CHIC2: variants seen among roughly 807,000 people sequenced by gnomAD.
CHIC2 encodes the protein cysteine-rich hydrophobic domain-containing protein 2.
Under a neutral mutation model 25.9 loss-of-function variants are expected in CHIC2, and 14 were observed. That is an observed-to-expected ratio of 0.54 (90% CI 0.36 to 0.85). CHIC2 has a LOEUF of 0.85. Ranked by LOEUF, CHIC2 falls within the 40% of genes least tolerant of loss-of-function variation. The pLI is 0.01. For missense variants in CHIC2, 146 were observed against 202.0 expected, an observed-to-expected ratio of 0.72 and a Z score of 1.68; for synonymous variants, 70 against 72.0, an observed-to-expected ratio of 0.97 and a Z score of 0.14.
chr4:54,071,092 A>G, the CHIC2 span, among the ~76,000 whole-genome samples: 1 of 152,232 alleles, frequency 6.6e-6, no homozygotes, highest in Non-Finnish European at 1.5e-5. Context: ...CTTCCATACA[A>G]CTGTGGCCAC....
the CHIC2 span, among the ~76,000 whole-genome samples, chr4:54,086,527 G>T: frequency 2.0e-5 from 3 of 152,100 alleles, no homozygotes; most frequent in African/African-American, 7.2e-5. Context: ...TTCCATTCTA[G>T]CAGGGAGATT....
the CHIC2 span, among the ~76,000 whole-genome samples, chr4:54,083,315 C>T: frequency 1.3e-5 from 2 of 152,120 alleles, no homozygotes; most frequent in Non-Finnish European, 2.9e-5. Context: ...ACGCCCAACT[C>T]CAATCTCAAT....
At chr4:54,086,910 G>T in the CHIC2 span, 1 of 624,630 alleles carries the variant, frequency 1.6e-6, no homozygotes, top group Middle Eastern at 4.7e-4. Flanking sequence ...TTGTTGGTTG[G>T]AATAAAAAGG....
chr4:54,041,743 T>C (rs942806273), intron 3 of CHIC2, among the ~76,000 whole-genome samples: 6 of 152,184 alleles, frequency 3.9e-5, no homozygotes, highest in African/African-American at 7.2e-5. Context: ...TTTAAATATA[T>C]GTAAAGCATC....
At chr4:54,076,872 G>A in the CHIC2 span, 1 of 152,274 alleles carries the variant, frequency 6.6e-6, no homozygotes, top group East Asian at 1.9e-4. Flanking sequence ...AGAATGTTTT[G>A]GGATTGAGTT....
chr4:54,033,172 T>C (rs912302072), intron 3 of CHIC2, among the ~76,000 whole-genome samples: 5 of 152,230 alleles, frequency 3.3e-5, no homozygotes, highest in African/African-American at 1.2e-4. Context: ...TTATAAATTA[T>C]CCAGTCTCAG....
At chr4:54,051,434 A>C (rs938839136) in intron 1 of CHIC2, among the ~76,000 whole-genome samples, 1 of 151,996 alleles carries the variant, frequency 6.6e-6, no homozygotes, top group Non-Finnish European at 1.5e-5. Flanking sequence ...TTATTGTAAC[A>C]ATCTTTATTC....
At chr4:54,042,565 T>A (rs761180339) in intron 3 of CHIC2, among the ~76,000 whole-genome samples, 1 of 152,166 alleles carries the variant, frequency 6.6e-6, no homozygotes, top group Non-Finnish European at 1.5e-5. Flanking sequence ...TCTACAGTAT[T>A]AAAACTCTTA....
intron 1 of CHIC2, chr4:54,060,355 T>C (rs1327977930): frequency 1.3e-5 from 2 of 152,302 alleles, no homozygotes; most frequent in South Asian, 2.1e-4. Flanking sequence ...TTTGTGGAGA[T>C]GGTAAGATTA....
the CHIC2 span, among the ~76,000 whole-genome samples, chr4:54,077,796 G>A: frequency 1.2e-4 from 18 of 152,196 alleles, no homozygotes; most frequent in Non-Finnish European, 1.8e-4. Flanking sequence ...CCTGCCACCC[G>A]GCTGCCAACT....
upstream of CHIC2, among the ~76,000 whole-genome samples, chr4:54,065,601 G>A (rs1054321666): frequency 1.3e-5 from 2 of 152,186 alleles, no homozygotes; most frequent in African/African-American, 4.8e-5. Context: ...ACAGTTGAAC[G>A]GTCACTTTGG....
chr4:54,054,432 T>G (rs752619950), intron 1 of CHIC2, among the ~76,000 whole-genome samples: 14 of 152,276 alleles, frequency 9.2e-5, no homozygotes, highest in Non-Finnish European at 1.8e-4. Flanking sequence ...CTGCTTCAAC[T>G]TGTTTTGCCC....
At chr4:54,087,344 A>G in the CHIC2 span, 1 of 567,110 alleles carries the variant, frequency 1.8e-6, no homozygotes, top group Admixed American at 2.9e-5. Context: ...CTTAGTTACC[A>G]AGCAGAAGCA....
chr4:54,082,379 G>A, the CHIC2 span, among the ~76,000 whole-genome samples: 1 of 152,214 alleles, frequency 6.6e-6, no homozygotes, highest in Admixed American at 6.5e-5. Flanking sequence ...CTGCTCCACT[G>A]TATGGATCTT....
chr4:54,064,273 C>G lies in CHIC2; in HGVS notation c.28G>C (p.Glu10Gln). ...AGGGCCCGCTCCTCGTCCTCCTCTT[C>G]CTCATAGATTTCGTCGAAATCCGCC... MADFDEIYE[E>Q]EEDEERALEE... The change falls in exon 1 of 6, where the codon GAA becomes CAA. Residue 10 changes from glutamate (E) to glutamine (Q), a missense_variant. By Grantham distance (29) the Glu-to-Gln change is conservative. Coordinates refer to ENST00000263921, the MANE Select transcript of CHIC2 (RefSeq NM_012110.4). The surrounding 1 kb of genome is among the most constrained non-coding windows in gnomAD (Gnocchi z 4.2). 6.2e-7 allele frequency: 1 copy of G among 1,612,940 alleles called. No homozygotes were observed. Among genetic ancestry groups the G allele is most frequent in the Non-Finnish European group, 8.5e-7 (1 of 1,179,486 alleles).
At chr4:54,073,828 CAAAG>C in the CHIC2 span, among the ~76,000 whole-genome samples, 1 of 152,108 alleles carries the variant, frequency 6.6e-6, no homozygotes, top group East Asian at 1.9e-4. Context: ...AGTAGAAAGA[CAAAG>C]AAAAATAGAT....
chr4:54,066,885 G>T (rs778524406), upstream of CHIC2, among the ~76,000 whole-genome samples: 1 of 152,162 alleles, frequency 6.6e-6, no homozygotes, highest in Non-Finnish European at 1.5e-5. Flanking sequence ...CCTGGCTGTG[G>T]CTGAGAATTC....
rs1716419578 is a variant in CHIC2 at position 54,037,315 on chromosome 4, T to C, written c.330+11640A>G. Among the ~76,000 whole-genome samples the C allele has an allele frequency of 2.6e-5, 4 of 151,976 alleles. 1 individual carries two copies. The highest frequency in any genetic ancestry group is 9.7e-5 in the African/African-American group (4 of 41,356). On this transcript the variant is annotated intron_variant, in intron 3 of 5. Coordinates refer to ENST00000263921, the MANE Select transcript of CHIC2 (RefSeq NM_012110.4). ...CTGTAGTGAGCCATGATCATGCCAC[T>C]GAACTCCAGCCTCAGTGACAGAATG...
chr4:54,080,710 C>T, the CHIC2 span, among the ~76,000 whole-genome samples: 8 of 148,564 alleles, frequency 5.4e-5, no homozygotes, highest in South Asian at 2.1e-4. Flanking sequence ...AGGCCGAGAT[C>T]GCACCACTGG....
Sources: allele counts gnomAD v4.1 joint callset (sites outside exome capture counted in the v4.1 genomes callset), GRCh38; gene constraint gnomAD v4.1.1; non-coding constraint Gnocchi (gnomAD v3.1); transcripts MANE v1.5; gene names NCBI Gene and HGNC (gene_info 2026-07-23, HGNC 2026-07-21).